Variants in RARRES2 observed in about 807,000 individuals in gnomAD.
The protein encoded by RARRES2 is retinoic acid receptor responder protein 2.
Under a neutral mutation model 17.9 loss-of-function variants are expected in RARRES2, and 12 were observed. The observed-to-expected ratio is 0.67, with a 90% confidence interval of 0.43 to 1.08. RARRES2 has a LOEUF of 1.08. RARRES2 is among the 50% of genes least tolerant of loss of function. The probability of loss-of-function intolerance (pLI) is 0.00; values close to 1 mark genes in which losing one functional copy is unlikely to be tolerated. For missense variants in RARRES2, 220 were observed against 210.1 expected (o/e 1.05, Z -0.29); for synonymous variants, 82 against 86.8 (o/e 0.94, Z 0.31).
chr7:150,340,095 C>G lies in RARRES2; in HGVS notation c.279+5G>C, dbSNP rs1307744865. ...CGCCCATTGCTCTCACACCCCTTCACTCACCCCATTGGGCCTGACTTTGCA... is the reference window on the plus strand; with the variant it reads ...CGCCCATTGCTCTCACACCCCTTCAGTCACCCCATTGGGCCTGACTTTGCA... On this transcript the variant is annotated splice_donor_5th_base_variant and intron_variant, in intron 3 of 5. Transcript: ENST00000223271. 7 of 1,612,648 alleles carry G rather than the reference C, an allele frequency of 4.3e-6. No individual in the cohort carries two copies. The highest frequency in any genetic ancestry group is 5.9e-6 in the Non-Finnish European group (7 of 1,178,798).
intron 5 of RARRES2, 71 bp downstream of exon 5, chr7:150,338,544 C>A: frequency 6.6e-7 from 1 of 1,522,104 alleles, no homozygotes; most frequent in Non-Finnish European, 8.8e-7. Context: ...GCTCCCAAAG[C>A]CCAGCCCAGC....
intron 1 of RARRES2, 190 bp downstream of exon 1, chr7:150,341,388 A>T (rs1400207658): frequency 6.6e-6 from 1 of 152,060 alleles, no homozygotes; most frequent in Admixed American, 6.6e-5. Flanking sequence ...GGGCCACCGG[A>T]GGGGCTGACC....
At chr7:150,338,559 C>T (rs1447688164) in intron 5 of RARRES2, 56 bp downstream of exon 5, 2 of 1,531,618 alleles carry the variant, frequency 1.3e-6, no homozygotes, top group African/African-American at 2.8e-5. Flanking sequence ...CCCAGCCCCT[C>T]AGCATTCCCA....
chr7:150,340,565 C>T lies in RARRES2; in HGVS notation c.45G>A (p.Val15=), dbSNP rs753483637. The part of the protein sequence containing the change: ...LIPLALWLGA[V]GVGVAELTEA... ...CCGTGAGCTCGGCGACGCCCACGCC[C>T]ACCGCACCCAGCCACAGGGCCAGAG... The change falls in exon 2 of 6, where the codon GTG becomes GTA. Residue 15 remains valine (V), a synonymous_variant. Transcript: ENST00000223271. 6 of 1,567,128 alleles carry T rather than the reference C, an allele frequency of 3.8e-6. No homozygotes were observed. The highest frequency in any genetic ancestry group is 5.2e-6 in the Non-Finnish European group (6 of 1,157,334).
chr7:150,338,346 T>A lies in RARRES2; in HGVS notation c.*104A>T. 1 of 1,421,456 alleles carries A rather than the reference T, an allele frequency of 7.0e-7. No individual in the cohort carries two copies. The highest frequency in any genetic ancestry group is 3.3e-5 in the East Asian group (1 of 30,048). 88.1% of individuals were successfully genotyped at this position (1,421,456 alleles called of 1,614,324 possible). A position where few individuals can be genotyped will look rare whatever the true frequency, so the allele number is the denominator to read the frequency against. ...GAGGCAGCTGGGAGAGCAGCTTTAT[T>A]ATCATGGCTGGGGATAGAACGGGTT... On this transcript the variant is annotated 3_prime_UTR_variant, in exon 6 of 6. Coordinates refer to ENST00000223271, the MANE Select transcript of RARRES2 (RefSeq NM_002889.4).
chr7:150,340,750 A>G, intron 1 of RARRES2, 121 bp from the exon 2 acceptor site: 1 of 836,066 alleles, frequency 1.2e-6, no homozygotes, highest in Admixed American at 3.2e-5. Flanking sequence ...AACGCTGGGC[A>G]CAGGTGAAGG....
In RARRES2 at chr7:150,338,889, G is replaced by T. The variant is rs181619123; in HGVS notation, c.375+97C>A. On this transcript the variant is annotated intron_variant, in intron 4 of 5. Coordinates refer to ENST00000223271, the MANE Select transcript of RARRES2 (RefSeq NM_002889.4). ...TCTAGCCCCCACTGCCCTCCCTCCT[G>T]CTTGGCCAAGCTTTAGCCTCGAGAC... 82 of 1,537,758 alleles carry T rather than the reference G, an allele frequency of 5.3e-5. 1 individual carries two copies. The highest frequency in any genetic ancestry group is 1.9e-4 in the Admixed American group (11 of 58,504).
Position 150,338,407 on chromosome 7 carries a change from C to T in RARRES2, c.*43G>A. ...GGGGCTGGGGTCTTCCACTGGTTAC[C>T]ACCCGCAGCGGTCCTGGAGGCACCA... On this transcript the variant is annotated 3_prime_UTR_variant, in exon 6 of 6. Coordinates refer to ENST00000223271, the MANE Select transcript of RARRES2 (RefSeq NM_002889.4). 6.6e-7 allele frequency: 1 copy of T among 1,511,244 alleles called. No homozygotes were observed. Among genetic ancestry groups the T allele is most frequent in the Non-Finnish European group, 8.8e-7 (1 of 1,131,610 alleles). 93.6% of individuals were successfully genotyped at this position (1,511,244 alleles called of 1,614,324 possible).
rs754733189 is a variant in RARRES2 at position 150,338,366 on chromosome 7, C to A, written c.*84G>T. 1.4e-4 allele frequency: 211 copies of A among 1,465,542 alleles called. 1 individual carries two copies. The South Asian group carries it at 1.8e-3, about 12-fold the overall frequency. 90.8% of individuals were successfully genotyped at this position (1,465,542 alleles called of 1,614,324 possible). A position where few individuals can be genotyped will look rare whatever the true frequency, so the allele number is the denominator to read the frequency against. ...TTTATTATCATGGCTGGGGATAGAA[C>A]GGGTTCCTCTCCCTGGGGGCTGGGG... is the stretch of plus-strand genomic sequence containing the variant. On this transcript the variant is annotated 3_prime_UTR_variant, in exon 6 of 6. Coordinates refer to ENST00000223271, the MANE Select transcript of RARRES2 (RefSeq NM_002889.4).
chr7:150,338,854 C>A lies in RARRES2; in HGVS notation c.376-113G>T. 7 of 1,562,854 alleles carry A rather than the reference C, an allele frequency of 4.5e-6. No homozygotes were observed. The South Asian group carries it at 8.3e-5, about 18-fold the overall frequency. Reference sequence around the variant, plus strand: ...ATCCCTTGGAGAATGTCCAAACAGGCACAGCGCTTTCTAGCCCCCACTGCC... The same window carrying A: ...ATCCCTTGGAGAATGTCCAAACAGGAACAGCGCTTTCTAGCCCCCACTGCC... On this transcript the variant is annotated intron_variant, in intron 4 of 5. Transcript: ENST00000223271.
intron 2 of RARRES2, 113 bp downstream of exon 2, chr7:150,340,323 T>C (rs1406757513): frequency 6.5e-7 from 1 of 1,544,184 alleles, no homozygotes; most frequent in African/African-American, 1.4e-5. Flanking sequence ...ACAGTGGCCT[T>C]TTCTCCAAAG....
chr7:150,338,760 G>T lies in RARRES2; in HGVS notation c.376-19C>A. The T allele has an allele frequency of 6.4e-7, 1 of 1,560,572 alleles. No homozygotes were observed. The highest frequency in any genetic ancestry group is 1.9e-5 in the Admixed American group (1 of 51,874). ...CAGCCTCCTGCCAGTGCCCAAAACTGTTCAGGCAGTGTAGGAGGGGTGGGC... is the reference window on the plus strand; with the variant it reads ...CAGCCTCCTGCCAGTGCCCAAAACTTTTCAGGCAGTGTAGGAGGGGTGGGC... On this transcript the variant is annotated intron_variant, in intron 4 of 5. Coordinates refer to ENST00000223271, the MANE Select transcript of RARRES2 (RefSeq NM_002889.4).
Position 150,339,051 on chromosome 7 carries a change from G to A in RARRES2, c.310C>T (p.Leu104=). The A allele has an allele frequency of 1.2e-6, 2 of 1,613,102 alleles. No individual in the cohort carries two copies. The highest frequency in any genetic ancestry group is 1.7e-6 in the Non-Finnish European group (2 of 1,179,088). Residue 104 remains leucine (L), a synonymous_variant, in exon 4 of 6, where the codon CTG becomes TTG. Transcript: ENST00000223271. The stretch of plus-strand genomic sequence containing the variant: ...CCCAGAACTTTGTCCTCAGAGCCCA[G>A]TTTGATGCAGGCCAGGCATTTCCGT... The part of the protein sequence containing the change: ...RKRKCLACIK[L]GSEDKVLGRL...
At chr7:150,338,546 C>T (rs1420876379) in intron 5 of RARRES2, 69 bp downstream of exon 5, 3 of 1,522,858 alleles carry the variant, frequency 2.0e-6, no homozygotes, top group Non-Finnish European at 2.7e-6. Context: ...TCCCAAAGCC[C>T]AGCCCAGCCC....
rs1361587747 is a variant in RARRES2, at chr7:150,340,478, C to T, written c.132G>A (p.Gln44=). The T allele has an allele frequency of 4.3e-6, 7 of 1,610,122 alleles. No individual in the cohort carries two copies. Among genetic ancestry groups the T allele is most frequent in the Non-Finnish European group, 5.9e-6 (7 of 1,178,196 alleles). ...CCACACTGGTCTCCTGGAAGGCCCA[C>T]TGCACGGGCGGGTGCTTGTGAAATT... The part of the protein sequence containing the change: ...LEEFHKHPPV[Q]WAFQETSVES... The change falls in exon 2 of 6, where the codon CAG becomes CAA. Residue 44 remains glutamine, a synonymous_variant. Coordinates refer to ENST00000223271, the MANE Select transcript of RARRES2 (RefSeq NM_002889.4).
chr7:150,339,358 G>A (rs950494861), intron 3 of RARRES2, among the ~76,000 whole-genome samples: 2 of 152,144 alleles, frequency 1.3e-5, no homozygotes, highest in African/African-American at 2.4e-5. Context: ...GCATAAACAC[G>A]CATGTATGTG....
intron 1 of RARRES2, 65 bp from the exon 2 acceptor site, chr7:150,340,694 G>GCT (rs1798465371): frequency 1.5e-6 from 2 of 1,356,214 alleles, no homozygotes; most frequent in Non-Finnish European, 1.9e-6. Flanking sequence ...CCCGCGCCCT[G>GCT]CTCTGGGGGG....
intron 4 of RARRES2, 81 bp from the exon 5 acceptor site, chr7:150,338,822 C>A: frequency 6.4e-7 from 1 of 1,567,058 alleles, no homozygotes; most frequent in Non-Finnish European, 8.7e-7. Flanking sequence ...CTCCACATCC[C>A]CTCCACATCC....
chr7:150,340,638 C>CG lies in RARRES2; in HGVS notation c.-20-10dup, dbSNP rs1430710851. 1 of 1,472,760 alleles carries CG rather than the reference C, an allele frequency of 6.8e-7. No individual in the cohort carries two copies. Among genetic ancestry groups the CG allele is most frequent in the Non-Finnish European group, 9.0e-7 (1 of 1,110,422 alleles). 91.2% of individuals were successfully genotyped at this position (1,472,760 alleles called of 1,614,324 possible). ...TCCGTGTCACCCTGGCCCTGCGAAG[C>CG]GGGTGTGCGCCCCTCAGCTCTCCGA... On this transcript the variant is annotated splice_polypyrimidine_tract_variant and intron_variant, in intron 1 of 5. Transcript: ENST00000223271.
Sources: gnomAD v4.1 joint callset for allele counts (sites outside exome capture counted in the v4.1 genomes callset) on GRCh38, gnomAD v4.1.1 for gene constraint, MANE v1.5 for transcripts, NCBI Gene and HGNC (gene_info 2026-07-23, HGNC 2026-07-21) for gene names.